FTO: variants seen among roughly 807,000 people sequenced by gnomAD.
FTO encodes FTO alpha-ketoglutarate dependent dioxygenase.
Under a neutral mutation model 63.9 loss-of-function variants are expected in FTO, and 47 were observed. The observed-to-expected ratio is 0.74, with a 90% CI of 0.58 to 0.94. The LOEUF (loss-of-function observed/expected upper bound fraction) is 0.94, where lower values mean the gene tolerates loss of function less well. Ranked by LOEUF, FTO falls within the 40% of genes least tolerant of loss-of-function variation. The probability of loss-of-function intolerance (pLI) is 0.00; values close to 1 mark genes in which losing one functional copy is unlikely to be tolerated. For missense variants in FTO, 562 were observed against 618.1 expected (o/e 0.91, Z 0.96); for synonymous variants, 207 against 224.4 (o/e 0.92, Z 0.69).
At chr16:53,865,394 C>T (rs2080280203) in intron 4 of FTO, among the ~76,000 whole-genome samples, 2 of 152,130 alleles carry the variant, frequency 1.3e-5, no homozygotes, top group Admixed American at 6.5e-5. Flanking sequence ...TTTTTATCCT[C>T]TATATTGTTG....
At chr16:53,814,445 A>G (rs2078617885) in intron 2 of FTO, among the ~76,000 whole-genome samples, 1 of 152,292 alleles carries the variant, frequency 6.6e-6, no homozygotes, top group Non-Finnish European at 1.5e-5. Context: ...AAATCTTGCT[A>G]TATGCTTCTG....
intron 1 of FTO, among the ~76,000 whole-genome samples, chr16:53,720,672 A>T (rs1353115826): frequency 6.8e-6 from 1 of 147,706 alleles, no homozygotes; most frequent in East Asian, 2.0e-4. Context: ...TATATATATA[A>T]AAGATATATA....
rs538290814 is a variant in FTO, at chr16:53,885,239, A to AT, written c.1120-3585dup. 2.2e-3 allele frequency among the ~76,000 whole-genome samples: 336 copies of AT among 151,900 alleles called. 5 individuals carry two copies. In the Middle Eastern group the frequency reaches 0.031, roughly 14 times the overall value. On this transcript the variant is annotated intron_variant, in intron 6 of 8. Coordinates refer to ENST00000471389, the MANE Select transcript of FTO (RefSeq NM_001080432.3). ...CAGACTCTGAATCAAGCAGGTGGAGATTTTTTTTGCCTTCTTAATTAAGTT... is the reference window on the plus strand; with the variant it reads ...CAGACTCTGAATCAAGCAGGTGGAGATTTTTTTTTGCCTTCTTAATTAAGTT...
chr16:53,788,042 G>A (rs1416548802), intron 1 of FTO, among the ~76,000 whole-genome samples: 2 of 152,140 alleles, frequency 1.3e-5, no homozygotes, highest in Non-Finnish European at 2.9e-5. Flanking sequence ...CAGGATTGGT[G>A]TTGAAGATCA....
intron 8 of FTO, among the ~76,000 whole-genome samples, chr16:53,971,662 A>G (rs2388410): frequency 0.035 from 5,396 of 152,336 alleles, 113 homozygotes; most frequent in Admixed American, 0.049. Flanking sequence ...CCCCCTTGGC[A>G]AGGCCTTCCT....
rs57004473 is a variant in FTO at position 53,852,101 on chromosome 16, C to CAAAAAAAAAAAAAAAAAAA, written c.895+7804_895+7822dup. 8.5e-4 allele frequency among the ~76,000 whole-genome samples: 46 copies of CAAAAAAAAAAAAAAAAAAA among 54,404 alleles called. 6 individuals carry two copies. Among genetic ancestry groups the CAAAAAAAAAAAAAAAAAAA allele is most frequent in the East Asian group, 2.8e-3 (5 of 1,804 alleles). 35.7% of individuals were successfully genotyped at this position (54,404 alleles called of 152,430 possible). On this transcript the variant is annotated intron_variant, in intron 4 of 8. Coordinates refer to ENST00000471389, the MANE Select transcript of FTO (RefSeq NM_001080432.3). ...CAAAACTCTGTCTCTACAAAAAATA[C>CAAAAAAAAAAAAAAAAAAA]AAAAAAAAAAAAAAAAAAAGCCAGG...
intron 8 of FTO, among the ~76,000 whole-genome samples, chr16:53,986,154 G>A (rs1290625653): frequency 2.6e-5 from 4 of 152,098 alleles, no homozygotes; most frequent in East Asian, 1.9e-4. Context: ...AGTTCACATT[G>A]CTCTAACACT....
chr16:54,062,945 A>G (rs530691694), intron 8 of FTO, among the ~76,000 whole-genome samples: 96 of 152,344 alleles, frequency 6.3e-4, no homozygotes, highest in African/African-American at 2.2e-3. Flanking sequence ...CCCCAGTGAC[A>G]CAGGCAGCTG....
intron 8 of FTO, among the ~76,000 whole-genome samples, chr16:53,990,089 A>G (rs1158364127): frequency 1.2e-4 from 19 of 152,138 alleles, no homozygotes; most frequent in African/African-American, 4.3e-4. Flanking sequence ...CAAGCTATTA[A>G]TAGTTAAATT....
chr16:53,963,639 G>A (rs576592504), intron 8 of FTO, among the ~76,000 whole-genome samples: 16 of 152,286 alleles, frequency 1.1e-4, no homozygotes, highest in African/African-American at 2.2e-4. Flanking sequence ...GCCACGTGAC[G>A]TGCCTGCTTC....
At chr16:53,925,856 G>A (rs1180686118) in intron 7 of FTO, among the ~76,000 whole-genome samples, 1 of 152,162 alleles carries the variant, frequency 6.6e-6, no homozygotes, top group Non-Finnish European at 1.5e-5. Flanking sequence ...GTTCAGAATT[G>A]GGAGACTTTT....
intron 8 of FTO, among the ~76,000 whole-genome samples, chr16:54,029,268 A>T (rs781384818): frequency 6.6e-5 from 10 of 152,202 alleles, no homozygotes; most frequent in Non-Finnish European, 1.3e-4. Flanking sequence ...AGAGATTTGT[A>T]GCTTGGATGA....
At chr16:53,727,966 G>C (rs371439432) in intron 1 of FTO, among the ~76,000 whole-genome samples, 16 of 152,278 alleles carry the variant, frequency 1.1e-4, no homozygotes, top group African/African-American at 2.4e-4. Context: ...AAGGGGCCAG[G>C]TACAGTGGTT....
At chr16:53,792,113 G>C (rs889037978) in intron 1 of FTO, among the ~76,000 whole-genome samples, 1 of 151,850 alleles carries the variant, frequency 6.6e-6, no homozygotes, top group African/African-American at 2.4e-5. Flanking sequence ...AAAAAATAAA[G>C]CGTGTATATT....
chr16:53,782,768 A>G (rs1444198337), intron 1 of FTO, among the ~76,000 whole-genome samples: 1 of 152,250 alleles, frequency 6.6e-6, no homozygotes, highest in South Asian at 2.1e-4. Flanking sequence ...CCTTCGACAC[A>G]AAGTGCAGCC....
At chr16:54,103,883 A>G (rs2086690887) in intron 8 of FTO, among the ~76,000 whole-genome samples, 1 of 152,238 alleles carries the variant, frequency 6.6e-6, no homozygotes, top group South Asian at 2.1e-4. Context: ...GGAGCAAAAT[A>G]TGGTGAGACT....
intron 7 of FTO, among the ~76,000 whole-genome samples, chr16:53,917,709 A>AGTGT (rs35549801): frequency 0.032 from 4,526 of 143,060 alleles, 80 homozygotes; most frequent in South Asian, 0.072. Flanking sequence ...AAATTGAGTG[A>AGTGT]GTGTGTGTGT....
At chr16:54,096,306 G>A (rs2086515250) in intron 8 of FTO, among the ~76,000 whole-genome samples, 1 of 152,192 alleles carries the variant, frequency 6.6e-6, no homozygotes, top group African/African-American at 2.4e-5. Flanking sequence ...ACAAAATGCA[G>A]ACTTGCTTTG....
intron 3 of FTO, among the ~76,000 whole-genome samples, chr16:53,840,619 A>G (rs2079446862): frequency 1.3e-5 from 2 of 152,208 alleles, no homozygotes; most frequent in South Asian, 4.1e-4. Flanking sequence ...ATGTAAATGA[A>G]TGGGCATGAC....
Sources: gnomAD v4.1 joint callset for allele counts (sites outside exome capture counted in the v4.1 genomes callset) on GRCh38, gnomAD v4.1.1 for gene constraint, MANE v1.5 for transcripts, NCBI Gene and HGNC (gene_info 2026-07-23, HGNC 2026-07-21) for gene names.